The following DOCK4 variants were observed in gnomAD, a reference collection of about 807,000 sequenced individuals.
The protein encoded by DOCK4 is dedicator of cytokinesis protein 4.
In DOCK4, 97 loss-of-function variants were observed where a neutral mutation model predicts 268.1. That is an observed-to-expected ratio of 0.36 (90% confidence interval 0.31 to 0.43). The LOEUF is 0.43. Among genes scored for constraint, DOCK4 ranks in the 20% least tolerant of loss-of-function variants. The pLI, the probability that DOCK4 is intolerant of heterozygous loss-of-function variation, is 1.00. For synonymous variants in DOCK4, 954 were observed against 887.2 expected, an observed-to-expected ratio of 1.08 and a Z score of -1.34; for missense variants, 2,145 against 2,455.7, an observed-to-expected ratio of 0.87 and a Z score of 2.67.
Position 112,105,889 on chromosome 7 carries a change from C to T in DOCK4, c.37+100213G>A, listed in dbSNP as rs377274159. Among the ~76,000 whole-genome samples, 15 of 152,134 alleles carry T rather than the reference C, an allele frequency of 9.9e-5. No homozygotes were observed. The South Asian group carries it at 3.1e-3, about 32-fold the overall frequency. On this transcript the variant is annotated intron_variant, in intron 1 of 52. Coordinates refer to ENST00000428084, the MANE Select transcript of DOCK4 (RefSeq NM_001363540.2). ...AAATTTTTGTAGAGACAGGATCTCACTATGTTGCCCAGGCTGGTCTTGAAC... is the reference window on the plus strand; with the variant it reads ...AAATTTTTGTAGAGACAGGATCTCATTATGTTGCCCAGGCTGGTCTTGAAC...
chr7:112,063,491 C>A (rs548868523), intron 1 of DOCK4, among the ~76,000 whole-genome samples: 1 of 152,274 alleles, frequency 6.6e-6, no homozygotes, highest in South Asian at 2.1e-4. Context: ...AAATCATCTA[C>A]CACAAAACCT....
intron 42 of DOCK4, among the ~76,000 whole-genome samples, chr7:111,755,285 T>G (rs184689137): frequency 6.6e-6 from 1 of 152,176 alleles, no homozygotes. Flanking sequence ...TTTTTTTACA[T>G]GTAGCAAATT....
At chr7:112,009,758 A>G (rs1202456787) in intron 1 of DOCK4, among the ~76,000 whole-genome samples, 1 of 152,212 alleles carries the variant, frequency 6.6e-6, no homozygotes, top group East Asian at 1.9e-4. Flanking sequence ...AACCTCGATA[A>G]GATTTGGAAA....
At chr7:112,037,819 T>C (rs944529302) in intron 1 of DOCK4, among the ~76,000 whole-genome samples, 2 of 152,202 alleles carry the variant, frequency 1.3e-5, no homozygotes, top group Non-Finnish European at 2.9e-5. Context: ...ATAGGAGATA[T>C]TCTTTCATAG....
At chr7:111,743,482 G>C (rs1360073551) in intron 44 of DOCK4, among the ~76,000 whole-genome samples, 1 of 152,188 alleles carries the variant, frequency 6.6e-6, no homozygotes, top group Non-Finnish European at 1.5e-5. Context: ...TTGGAGTGCA[G>C]TGTGTATGAG....
At chr7:111,821,181 T>C (rs1801947061) in intron 27 of DOCK4, 1 of 152,192 alleles carries the variant, frequency 6.6e-6, no homozygotes, top group Non-Finnish European at 1.5e-5. Context: ...AGAAGCCATA[T>C]TGAGCATATA....
chr7:112,096,906 G>A (rs890953622), intron 1 of DOCK4, among the ~76,000 whole-genome samples: 1 of 152,210 alleles, frequency 6.6e-6, no homozygotes, highest in Admixed American at 6.5e-5. Context: ...GAAGTAGGCT[G>A]TCTGCATAAA....
intron 8 of DOCK4, among the ~76,000 whole-genome samples, chr7:111,970,439 G>C (rs531050254): frequency 6.6e-6 from 1 of 152,240 alleles, no homozygotes; most frequent in African/African-American, 2.4e-5. Flanking sequence ...TTCTTAAAGA[G>C]CTTAGAATGG....
At chr7:111,826,198 G>C (rs190527703) in intron 26 of DOCK4, among the ~76,000 whole-genome samples, 1 of 152,166 alleles carries the variant, frequency 6.6e-6, no homozygotes, top group Non-Finnish European at 1.5e-5. Flanking sequence ...TCCACACAGA[G>C]GGAACAACAC....
chr7:111,734,945 T>TA, intron 51 of DOCK4, 109 bp downstream of exon 51: 1 of 848,910 alleles, frequency 1.2e-6, no homozygotes, highest in Non-Finnish European at 1.9e-6. Flanking sequence ...CTAAGGTTTT[T>TA]ATCCCAGAAA....
At chr7:112,133,719 C>CA (rs1314043967) in intron 1 of DOCK4, among the ~76,000 whole-genome samples, 7 of 150,778 alleles carry the variant, frequency 4.6e-5, no homozygotes, top group South Asian at 2.1e-4. Flanking sequence ...GACCCTGTCT[C>CA]AAAAAAAATA....
At chr7:111,856,920 G>A (rs754891037) in intron 23 of DOCK4, among the ~76,000 whole-genome samples, 63 of 152,044 alleles carry the variant, frequency 4.1e-4, no homozygotes, top group Non-Finnish European at 7.7e-4. Flanking sequence ...TTTTTGCAAT[G>A]GTCCTGCATT....
At chr7:111,880,711 G>A (rs1327230906) in intron 16 of DOCK4, among the ~76,000 whole-genome samples, 1 of 152,144 alleles carries the variant, frequency 6.6e-6, no homozygotes, top group Non-Finnish European at 1.5e-5. Flanking sequence ...GCATGGTACT[G>A]AAATAAAAGC....
In DOCK4 at chr7:111,935,735, T is replaced by C. The variant is rs1296945376; in HGVS notation, c.978-107A>G. 4 of 920,438 alleles carry C rather than the reference T, an allele frequency of 4.3e-6. No homozygotes were observed. The African/African-American group carries it at 5.0e-5, about 11-fold the overall frequency. The allele number at this position is 920,438 out of a possible 1,614,324, so 57.0% of individuals were successfully genotyped here. On this transcript the variant is annotated intron_variant, in intron 11 of 52. Transcript: ENST00000428084. ...GTTATAACCACTATAATGTACCTCC[T>C]TGAGGTCCCCATCAACCTGCTGCAA...
At chr7:111,954,200 T>C (rs1051114131) in intron 8 of DOCK4, among the ~76,000 whole-genome samples, 3 of 152,210 alleles carry the variant, frequency 2.0e-5, no homozygotes, top group East Asian at 1.9e-4. Context: ...GAGCTGTTAC[T>C]GTGGTCTCGC....
chr7:111,924,895 T>C (rs939031560), intron 12 of DOCK4, among the ~76,000 whole-genome samples: 1 of 152,234 alleles, frequency 6.6e-6, no homozygotes, highest in African/African-American at 2.4e-5. Flanking sequence ...AAAACACTAT[T>C]TCTTGACAGT....
chr7:112,114,150 AAAC>A (rs1315772184), intron 1 of DOCK4, among the ~76,000 whole-genome samples: 5 of 152,150 alleles, frequency 3.3e-5, no homozygotes. Context: ...AAGAAGACAT[AAAC>A]AATGAGCCAT....
chr7:111,950,212 C>T (rs937725254), intron 8 of DOCK4, among the ~76,000 whole-genome samples: 1 of 152,222 alleles, frequency 6.6e-6, no homozygotes, highest in East Asian at 1.9e-4. Flanking sequence ...CAGGCATAAG[C>T]CACCGTGCCT....
chr7:111,846,925 TTTGTAG>T, intron 24 of DOCK4, 68 bp downstream of exon 24: 2 of 1,500,446 alleles, frequency 1.3e-6, no homozygotes, highest in South Asian at 2.8e-5. Context: ...GTGCGGTTTC[TTTGTAG>T]ACTATTACAA....
Sources: gnomAD v4.1 joint callset for allele counts (sites outside exome capture counted in the v4.1 genomes callset) on GRCh38, gnomAD v4.1.1 for gene constraint, MANE v1.5 for transcripts, NCBI Gene and HGNC (gene_info 2026-07-23, HGNC 2026-07-21) for gene names.